The following SLAIN1 variants were observed in gnomAD, a reference collection of about 807,000 sequenced individuals.
The protein encoded by SLAIN1 is SLAIN family member 1, also known as SLAIN motif-containing protein 1.
In SLAIN1, 17 loss-of-function variants were observed where a neutral mutation model predicts 55.4. That is an observed-to-expected ratio of 0.31 (90% CI 0.21 to 0.46). The LOEUF (loss-of-function observed/expected upper bound fraction) is 0.46, where lower values mean the gene tolerates loss of function less well. Among genes scored for constraint, SLAIN1 ranks in the 20% least tolerant of loss-of-function variants. SLAIN1 has a pLI of 1.00. For missense variants in SLAIN1, 682 were observed against 785.1 expected (o/e 0.87, Z 1.57); for synonymous variants, 348 against 337.4 (o/e 1.03, Z -0.35).
chr13:77,705,541 C>T (rs2091080607), intron 1 of SLAIN1, among the ~76,000 whole-genome samples: 1 of 151,646 alleles, frequency 6.6e-6, no homozygotes, highest in South Asian at 2.1e-4. Flanking sequence ...CTAATGATGG[C>T]CAGATAGGAC....
At chr13:77,753,399 GTATAATTTTT>G (rs770660223) in intron 5 of SLAIN1, 41 bp downstream of exon 5, 217 of 1,045,236 alleles carry the variant, frequency 2.1e-4, no homozygotes, top group Non-Finnish European at 2.1e-4. Flanking sequence ...TTGTATAATT[GTATAATTTTT>G]TATAATTTTT....
chr13:77,708,751 T>C (rs1163522107), intron 1 of SLAIN1, among the ~76,000 whole-genome samples: 1 of 151,726 alleles, frequency 6.6e-6, no homozygotes, highest in African/African-American at 2.4e-5. Context: ...AGAAACCCCA[T>C]CCAAAGGTCA....
chr13:77,708,677 G>C (rs967278357), intron 1 of SLAIN1, among the ~76,000 whole-genome samples: 3 of 152,184 alleles, frequency 2.0e-5, no homozygotes, highest in Non-Finnish European at 4.4e-5. Context: ...GAGTCTGACT[G>C]TTAGAAGGAA....
At position 77,698,203 on chromosome 13, in the gene SLAIN1, G is replaced by GGCTCGGGCTGGC; in HGVS notation, c.294_305dup (p.Leu100_Gly103dup). Reference sequence around the variant, plus strand: ...ACCGCCGCGGCCTCAGGGGGCCTGGGGCTCGGGCTGGCGCTGGGCGCGGGG... The same window carrying GGCTCGGGCTGGC: ...ACCGCCGCGGCCTCAGGGGGCCTGGGGCTCGGGCTGGCGCTCGGGCTGGCGCTGGGCGCGGGG... On this transcript the variant is annotated inframe_insertion, in exon 1 of 7. Coordinates refer to ENST00000418532, the MANE Select transcript of SLAIN1 (RefSeq NM_001242868.2). The surrounding 1 kb of genome is among the most constrained non-coding windows in gnomAD (Gnocchi z 4.1). The GGCTCGGGCTGGC allele has an allele frequency of 8.1e-7, 1 of 1,238,296 alleles. No homozygotes were observed. Among genetic ancestry groups the GGCTCGGGCTGGC allele is most frequent in the Non-Finnish European group, 1.0e-6 (1 of 994,120 alleles). 76.7% of individuals were successfully genotyped at this position (1,238,296 alleles called of 1,614,324 possible). A position where few individuals can be genotyped will look rare whatever the true frequency, so the allele number is the denominator to read the frequency against.
chr13:77,720,369 C>G (rs1441981674), intron 2 of SLAIN1, among the ~76,000 whole-genome samples: 2 of 152,080 alleles, frequency 1.3e-5, no homozygotes, highest in African/African-American at 4.8e-5. Context: ...CCAAATCATA[C>G]ATGAGCTTCA....
intron 5 of SLAIN1, among the ~76,000 whole-genome samples, chr13:77,758,936 A>AGGATTGTTT (rs924391003): frequency 9.2e-5 from 14 of 152,076 alleles, no homozygotes; most frequent in African/African-American, 3.4e-4. Context: ...TATGAATTTT[A>AGGATTGTTT]GGATTGTTTG....
At chr13:77,717,332 G>T (rs541975698) in intron 1 of SLAIN1, among the ~76,000 whole-genome samples, 1 of 152,190 alleles carries the variant, frequency 6.6e-6, no homozygotes, top group Admixed American at 6.5e-5. Context: ...TGCCCTAATA[G>T]GATGTATTAG....
At chr13:77,751,428 G>A (rs1376198265) in intron 4 of SLAIN1, among the ~76,000 whole-genome samples, 2 of 152,168 alleles carry the variant, frequency 1.3e-5, no homozygotes, top group Non-Finnish European at 2.9e-5. Context: ...TATAAACCTA[G>A]ACCATAAATC....
In SLAIN1 at chr13:77,698,557, T is replaced by C; in HGVS notation, c.626+18T>C. The stretch of plus-strand genomic sequence containing the variant: ...TACACCTGGTACTGCCTGGCTCCGC[T>C]CCTTCCCCGAGACCCTGGCCTCGGG... On this transcript the variant is annotated intron_variant, in intron 1 of 6. Coordinates refer to ENST00000418532, the MANE Select transcript of SLAIN1 (RefSeq NM_001242868.2). The surrounding 1 kb of genome is among the most constrained non-coding windows in gnomAD (Gnocchi z 4.1). The C allele has an allele frequency of 1.4e-6, 2 of 1,404,584 alleles. No homozygotes were observed. The highest frequency in any genetic ancestry group is 1.6e-5 in the South Asian group (1 of 63,284). The allele number at this position is 1,404,584 out of a possible 1,614,324, so 87.0% of individuals were successfully genotyped here. A position where few individuals can be genotyped will look rare whatever the true frequency, so the allele number is the denominator to read the frequency against.
At position 77,719,596 on chromosome 13, in the gene SLAIN1, T is replaced by A. The variant is rs1483962583; in HGVS notation, c.691T>A (p.Cys231Ser). 4 of 1,613,516 alleles carry A rather than the reference T, an allele frequency of 2.5e-6. No individual in the cohort carries two copies. Among genetic ancestry groups the A allele is most frequent in the Non-Finnish European group, 3.4e-6 (4 of 1,179,596 alleles). ...SEKSLTPLQW[C>S]RHVLDNPTPE... ...GAAATCCCTGACTCCTTTGCAGTGG[T>A]GTAGACATGTCCTAGATAACCCAAC... The change falls in exon 2 of 7, where the codon TGT becomes AGT. Residue 231 changes from cysteine (C) to serine (S), a missense_variant. Transcript: ENST00000418532.
chr13:77,744,331 G>A lies in SLAIN1; in HGVS notation c.815G>A (p.Ser272Asn). Reference protein sequence around the residue: ...SPLSPQSSIDSELSTSELEDD... With the variant: ...SPLSPQSSIDNELSTSELEDD... ...CTCAGTCCCCAGTCATCTATCGACA[G>A]TGAGCTGAGTACTTCAGAATTGGAG... The change falls in exon 3 of 7, where the codon AGT (serine) becomes AAT (asparagine). Residue 272 changes from serine (S) to asparagine (N), a missense_variant. Coordinates refer to ENST00000418532, the MANE Select transcript of SLAIN1 (RefSeq NM_001242868.2). The A allele has an allele frequency of 1.2e-6, 2 of 1,612,906 alleles. No homozygotes were observed. The highest frequency in any genetic ancestry group is 1.7e-6 in the Non-Finnish European group (2 of 1,179,268).
rs56247803 is a variant in SLAIN1, at chr13:77,722,904, G to A, written c.766+3233G>A. ...TGGGATTACAGGTACACGCAACCACGCCTGGCTAATTTTTGTATTTTTTAA... is the reference window on the plus strand; with the variant it reads ...TGGGATTACAGGTACACGCAACCACACCTGGCTAATTTTTGTATTTTTTAA... On this transcript the variant is annotated intron_variant, in intron 2 of 6. Transcript: ENST00000418532. 4.9e-4 allele frequency among the ~76,000 whole-genome samples: 75 copies of A among 152,048 alleles called. No homozygotes were observed. The East Asian group carries it at 5.2e-3, about 11-fold the overall frequency.
intron 1 of SLAIN1, among the ~76,000 whole-genome samples, chr13:77,701,198 A>G (rs982712458): frequency 1.3e-5 from 2 of 151,942 alleles, no homozygotes; most frequent in Non-Finnish European, 2.9e-5. Flanking sequence ...AATGGGTTGA[A>G]CAAAATGTGT....
intron 3 of SLAIN1, among the ~76,000 whole-genome samples, chr13:77,746,283 G>A (rs973203471): frequency 6.6e-6 from 1 of 152,044 alleles, no homozygotes; most frequent in Non-Finnish European, 1.5e-5. Context: ...AATCCTCACT[G>A]GAATTGGGGC....
rs986188576 is a variant in SLAIN1, at chr13:77,699,652, T to C, written c.626+1113T>C. ...CCCTTACACTCTGTCATGTGAGAGC[T>C]CTAACTGTAAAGTACATTAGTTAAT... On this transcript the variant is annotated intron_variant, in intron 1 of 6. Coordinates refer to ENST00000418532, the MANE Select transcript of SLAIN1 (RefSeq NM_001242868.2). 2.6e-5 allele frequency among the ~76,000 whole-genome samples: 4 copies of C among 152,230 alleles called. No individual in the cohort carries two copies. The South Asian group carries it at 8.3e-4, about 32-fold the overall frequency.
chr13:77,729,018 T>C (rs1369806148), intron 2 of SLAIN1, among the ~76,000 whole-genome samples: 1 of 152,222 alleles, frequency 6.6e-6, no homozygotes, highest in African/African-American at 2.4e-5. Flanking sequence ...CATTCCTGTG[T>C]GCTGAAAATG....
intron 1 of SLAIN1, among the ~76,000 whole-genome samples, chr13:77,718,577 A>C (rs2091230591): frequency 6.6e-6 from 1 of 152,182 alleles, no homozygotes; most frequent in Admixed American, 6.6e-5. Context: ...AGAACAGTGA[A>C]AGTATGAATA....
intron 2 of SLAIN1, among the ~76,000 whole-genome samples, chr13:77,721,469 CT>C (rs1211076451): frequency 6.6e-6 from 1 of 152,138 alleles, no homozygotes; most frequent in Non-Finnish European, 1.5e-5. Flanking sequence ...ATTCCTAAGC[CT>C]CCTTACTTAA....
chr13:77,697,992 C>A lies in SLAIN1; in HGVS notation c.79C>A (p.Leu27Met). 2 of 1,443,314 alleles carry A rather than the reference C, an allele frequency of 1.4e-6. No homozygotes were observed. Among genetic ancestry groups the A allele is most frequent in the East Asian group, 3.3e-5 (1 of 30,720 alleles). The allele number at this position is 1,443,314 out of a possible 1,614,324, so 89.4% of individuals were successfully genotyped here. A position where few individuals can be genotyped will look rare whatever the true frequency, so the allele number is the denominator to read the frequency against. Reference sequence around the variant, plus strand: ...CTCCGGGCCGGTGGTGAACGCGGAGCTGGAGGTGAAGAAGCTGCAGGAGCT... The same window carrying A: ...CTCCGGGCCGGTGGTGAACGCGGAGATGGAGGTGAAGAAGCTGCAGGAGCT... ...AGSGPVVNAE[L>M]EVKKLQELVR... is the part of the protein sequence containing the mutation. Residue 27 changes from leucine (L) to methionine (M), a missense_variant, in exon 1 of 7, where the codon CTG (leucine) becomes ATG (methionine). Leu to Met is a conservative substitution (Grantham distance 15). Coordinates refer to ENST00000418532, the MANE Select transcript of SLAIN1 (RefSeq NM_001242868.2).
Sources: gnomAD v4.1 joint callset for allele counts (sites outside exome capture counted in the v4.1 genomes callset) on GRCh38, gnomAD v4.1.1 for gene constraint, Gnocchi (gnomAD v3.1) non-coding constraint, MANE v1.5 for transcripts, NCBI Gene and HGNC (gene_info 2026-07-23, HGNC 2026-07-21) for gene names.